CALN1: variants seen among roughly 807,000 people sequenced by gnomAD.
CALN1 encodes calneuron 1.
CALN1 carries 17 observed loss-of-function variants against 30.6 expected under a neutral mutation model. The observed-to-expected ratio is 0.56, with a 90% CI of 0.38 to 0.83. The LOEUF is 0.83. Among genes scored for constraint, CALN1 ranks in the 40% least tolerant of loss-of-function variants. CALN1 has a pLI of 0.00. For synonymous variants in CALN1, 156 were observed against 131.4 expected (o/e 1.19, Z -1.28); for missense variants, 291 against 354.9 (o/e 0.82, Z 1.45).
At chr7:72,093,846 T>C (rs1351657124) in intron 4 of CALN1, among the ~76,000 whole-genome samples, 3 of 152,168 alleles carry the variant, frequency 2.0e-5, no homozygotes, top group Admixed American at 6.5e-5. Context: ...ACTCATCAAA[T>C]CTCTTATGTG....
At chr7:72,359,875 G>A (rs1803459631) in intron 2 of CALN1, among the ~76,000 whole-genome samples, 1 of 150,146 alleles carries the variant, frequency 6.7e-6, no homozygotes. Context: ...TACTCAGGAG[G>A]CTGAGGCAGG....
chr7:72,306,339 A>G (rs1001387356), intron 2 of CALN1, among the ~76,000 whole-genome samples: 3 of 152,158 alleles, frequency 2.0e-5, no homozygotes, highest in African/African-American at 7.2e-5. Context: ...CAATTTTTTA[A>G]AGGTCTGAAT....
chr7:72,491,399 T>G, the CALN1 span, among the ~76,000 whole-genome samples: 21 of 152,028 alleles, frequency 1.4e-4, no homozygotes, highest in Admixed American at 1.3e-3. Context: ...CAAGATCCTA[T>G]TTCTGCAAAA....
chr7:72,491,725 G>A, the CALN1 span, among the ~76,000 whole-genome samples: 1 of 152,140 alleles, frequency 6.6e-6, no homozygotes, highest in Non-Finnish European at 1.5e-5. Flanking sequence ...AGCTGCAATG[G>A]GGAGGTAGTG....
chr7:72,027,833 G>A (rs533578447), intron 4 of CALN1, among the ~76,000 whole-genome samples: 79 of 151,366 alleles, frequency 5.2e-4, no homozygotes, highest in South Asian at 1.3e-3. Context: ...CGAGGTGGGC[G>A]GATCACGAGG....
intron 3 of CALN1, among the ~76,000 whole-genome samples, chr7:72,157,547 A>C (rs1314992056): frequency 1.3e-5 from 2 of 152,132 alleles, no homozygotes; most frequent in East Asian, 1.9e-4. Context: ...GTAAAGTGAG[A>C]AACAAAAAGA....
intron 5 of CALN1, among the ~76,000 whole-genome samples, chr7:72,007,982 A>G (rs147262236): frequency 8.9e-4 from 136 of 152,332 alleles, no homozygotes; most frequent in African/African-American, 3.1e-3. Context: ...AACAGAATTG[A>G]GACAAATGTT....
chr7:72,461,262 A>G, the CALN1 span, among the ~76,000 whole-genome samples: 2 of 152,220 alleles, frequency 1.3e-5, no homozygotes, highest in African/African-American at 2.4e-5. Flanking sequence ...GAGATTTCTC[A>G]AAGAACTGAA....
chr7:72,425,431 C>T (rs1027879795), intron 1 of CALN1, among the ~76,000 whole-genome samples: 8 of 152,168 alleles, frequency 5.3e-5, no homozygotes, highest in African/African-American at 1.4e-4. Context: ...CAGTTACTAC[C>T]GGGGGCCCTC....
At chr7:72,323,699 G>T (rs991005256) in intron 2 of CALN1, among the ~76,000 whole-genome samples, 1 of 150,590 alleles carries the variant, frequency 6.6e-6, no homozygotes, top group African/African-American at 2.4e-5. Context: ...AACAAAAAGA[G>T]AAAGAAAAAA....
At chr7:72,211,054 T>TA in intron 3 of CALN1, among the ~76,000 whole-genome samples, 1 of 152,004 alleles carries the variant, frequency 6.6e-6, no homozygotes, top group East Asian at 1.9e-4. Flanking sequence ...ACCCTATCTC[T>TA]AAAAAAATAA....
At chr7:72,074,683 C>A (rs1169157285) in intron 4 of CALN1, among the ~76,000 whole-genome samples, 1 of 152,218 alleles carries the variant, frequency 6.6e-6, no homozygotes, top group Non-Finnish European at 1.5e-5. Context: ...GTTGGGATTA[C>A]AGGCTTAAGC....
chr7:72,500,831 CTG>C, the CALN1 span, among the ~76,000 whole-genome samples: 1 of 151,846 alleles, frequency 6.6e-6, no homozygotes, highest in Admixed American at 6.6e-5. Flanking sequence ...TCCAGATTCA[CTG>C]TGTATTAATC....
chr7:72,350,648 T>C (rs1251713714), intron 2 of CALN1, among the ~76,000 whole-genome samples: 2 of 151,960 alleles, frequency 1.3e-5, no homozygotes, highest in East Asian at 1.9e-4. Context: ...CAGGAGGAAG[T>C]TGAGGATCAG....
At position 71,799,470 on chromosome 7, in the gene CALN1, G is replaced by T. The variant is rs542731439; in HGVS notation, c.658+10866C>A. 6.4e-3 allele frequency among the ~76,000 whole-genome samples: 963 copies of T among 150,488 alleles called. 9 individuals are homozygous for T. Among genetic ancestry groups the T allele is most frequent in the African/African-American group, 0.021 (859 of 40,396 alleles). On this transcript the variant is annotated intron_variant, in intron 6 of 6. Coordinates refer to ENST00000395275, the MANE Select transcript of CALN1 (RefSeq NM_031468.4). Reference sequence around the variant, plus strand: ...ATTTATTTAGTTAGTTAGTTAGTTAGTTAGTTAGTTTTTGAGACAGAGTCT... The same window carrying T: ...ATTTATTTAGTTAGTTAGTTAGTTATTTAGTTAGTTTTTGAGACAGAGTCT...
chr7:72,041,682 C>T (rs539074294), intron 4 of CALN1, among the ~76,000 whole-genome samples: 7 of 152,264 alleles, frequency 4.6e-5, no homozygotes, highest in East Asian at 1.9e-4. Flanking sequence ...CCACACCTGG[C>T]GCAAATCTCA....
At chr7:71,923,012 ACTATACTATACTATT>A (rs1795056744) in intron 5 of CALN1, among the ~76,000 whole-genome samples, 2 of 148,922 alleles carry the variant, frequency 1.3e-5, no homozygotes, top group Admixed American at 6.8e-5. Flanking sequence ...ACTATACTAT[ACTATACTATACTATT>A]CTATACTATA....
intron 3 of CALN1, among the ~76,000 whole-genome samples, chr7:72,175,218 C>T (rs968667299): frequency 5.9e-5 from 9 of 151,984 alleles, no homozygotes; most frequent in African/African-American, 1.7e-4. Context: ...AGACTACAGG[C>T]GCCCGCCACC....
intron 4 of CALN1, among the ~76,000 whole-genome samples, chr7:72,099,546 T>C (rs932704590): frequency 6.6e-6 from 1 of 151,864 alleles, no homozygotes; most frequent in Non-Finnish European, 1.5e-5. Context: ...CAGAACCTGG[T>C]ACCTGAGAAG....
Sources: allele counts gnomAD v4.1 joint callset (sites outside exome capture counted in the v4.1 genomes callset), GRCh38; gene constraint gnomAD v4.1.1; transcripts MANE v1.5; gene names NCBI Gene and HGNC (gene_info 2026-07-23, HGNC 2026-07-21).